MAGI2: variants seen among roughly 807,000 people sequenced by gnomAD.
The protein encoded by MAGI2 is membrane-associated guanylate kinase, WW and PDZ domain-containing protein 2.
Under a neutral mutation model 133.3 loss-of-function variants are expected in MAGI2, and 35 were observed. That is an observed-to-expected ratio of 0.26 (90% CI 0.20 to 0.35). MAGI2 has a LOEUF of 0.35. MAGI2 is among the 10% of genes least tolerant of loss of function. The pLI is 1.00. For missense variants in MAGI2, 1,636 were observed against 1,863.4 expected, an observed-to-expected ratio of 0.88 and a Z score of 2.25; for synonymous variants, 729 against 710.6, an observed-to-expected ratio of 1.03 and a Z score of -0.41.
At chr7:78,610,281 A>C (rs1701614837) in intron 3 of MAGI2, among the ~76,000 whole-genome samples, 1 of 152,194 alleles carries the variant, frequency 6.6e-6, no homozygotes, top group Admixed American at 6.5e-5. Context: ...GATAGGGAAC[A>C]CTGGCCTTGG....
intron 1 of MAGI2, among the ~76,000 whole-genome samples, chr7:79,040,399 A>G (rs1417609048): frequency 6.6e-6 from 1 of 152,136 alleles, no homozygotes; most frequent in Admixed American, 6.5e-5. Context: ...AAATGGACTA[A>G]TACATATGTG....
intron 21 of MAGI2, among the ~76,000 whole-genome samples, chr7:78,034,457 C>A (rs1809947844): frequency 6.6e-6 from 1 of 152,174 alleles, no homozygotes; most frequent in African/African-American, 2.4e-5. Flanking sequence ...GGTCCCTTCC[C>A]TTCTACTTTG....
chr7:78,444,379 A>T (rs1787922496), intron 6 of MAGI2, among the ~76,000 whole-genome samples: 1 of 152,052 alleles, frequency 6.6e-6, no homozygotes. Flanking sequence ...GGTCCCTCAC[A>T]ATTCATTAAT....
intron 6 of MAGI2, among the ~76,000 whole-genome samples, chr7:78,406,604 C>T (rs1200971473): frequency 1.3e-5 from 2 of 152,034 alleles, no homozygotes; most frequent in Admixed American, 1.3e-4. Flanking sequence ...TTAGCCACCT[C>T]ATAGATTGCT....
intron 2 of MAGI2, among the ~76,000 whole-genome samples, chr7:78,766,180 T>G (rs773885506): frequency 1.5e-4 from 23 of 152,100 alleles, no homozygotes; most frequent in Non-Finnish European, 3.1e-4. Context: ...GGGTTGTGCT[T>G]TTGTGGAAAG....
At chr7:79,318,704 TATA>T (rs1300374722) in intron 1 of MAGI2, among the ~76,000 whole-genome samples, 1 of 152,222 alleles carries the variant, frequency 6.6e-6, no homozygotes, top group Non-Finnish European at 1.5e-5. Flanking sequence ...ACTCCTTTAG[TATA>T]ATATTTGCTT....
At chr7:78,768,714 T>C (rs2151314915) in intron 2 of MAGI2, among the ~76,000 whole-genome samples, 1 of 152,350 alleles carries the variant, frequency 6.6e-6, no homozygotes, top group East Asian at 1.9e-4. Flanking sequence ...TCTGAAGTGT[T>C]TCCAAATTTC....
chr7:78,266,036 A>G (rs1793968372), intron 9 of MAGI2, among the ~76,000 whole-genome samples: 1 of 152,218 alleles, frequency 6.6e-6, no homozygotes, highest in South Asian at 2.1e-4. Context: ...AGAAAAAGGA[A>G]TAACAAGGAG....
intron 2 of MAGI2, among the ~76,000 whole-genome samples, chr7:78,723,608 G>C (rs1449162286): frequency 6.6e-6 from 1 of 152,140 alleles, no homozygotes; most frequent in East Asian, 1.9e-4. Context: ...GACTAAGTTA[G>C]GCACAAGAGC....
chr7:78,583,162 T>A (rs919455945), intron 3 of MAGI2, among the ~76,000 whole-genome samples: 1 of 152,134 alleles, frequency 6.6e-6, no homozygotes, highest in Middle Eastern at 3.4e-3. Context: ...ACAAAACACA[T>A]ATAAAAAAGA....
chr7:79,002,819 A>G (rs1253611521), intron 2 of MAGI2, among the ~76,000 whole-genome samples: 15 of 149,526 alleles, frequency 1.0e-4, no homozygotes, highest in Admixed American at 1.0e-3. Flanking sequence ...TATTTCTGTG[A>G]CCATCTCCTT....
Position 78,411,711 on chromosome 7 carries a change from A to T in MAGI2, c.1046-42498T>A, listed in dbSNP as rs187554916. 4.8e-4 allele frequency among the ~76,000 whole-genome samples: 73 copies of T among 152,138 alleles called. 1 individual carries two copies. Among genetic ancestry groups the T allele is most frequent in the Admixed American group, 2.6e-3 (39 of 15,240 alleles). ...GAGCTTTAGCTGAAATATAAATTAGAACATGGATAAGTTTAAGTATCTTTT... is the reference window on the plus strand; with the variant it reads ...GAGCTTTAGCTGAAATATAAATTAGTACATGGATAAGTTTAAGTATCTTTT... On this transcript the variant is annotated intron_variant, in intron 6 of 21. Transcript: ENST00000354212.
chr7:79,178,859 T>G (rs1222642861), intron 1 of MAGI2, among the ~76,000 whole-genome samples: 1 of 152,040 alleles, frequency 6.6e-6, no homozygotes, highest in Non-Finnish European at 1.5e-5. Context: ...TAGCAAAAGT[T>G]TGCCATAAGT....
chr7:79,234,046 G>A lies in MAGI2; in HGVS notation c.301+218974C>T, dbSNP rs1328798482. On this transcript the variant is annotated intron_variant, in intron 1 of 21. Transcript: ENST00000354212. ...CTGTAAAGTATTTTATTTCTCCTTCGCTTATGAAGCTTAGTTTGGCTGGAT... is the reference window on the plus strand; with the variant it reads ...CTGTAAAGTATTTTATTTCTCCTTCACTTATGAAGCTTAGTTTGGCTGGAT... Among the ~76,000 whole-genome samples, 15 of 140,772 alleles carry A rather than the reference G, an allele frequency of 1.1e-4. No individual in the cohort carries two copies. In the South Asian group the frequency reaches 2.4e-3, roughly 23 times the overall value. The allele number at this position is 140,772 out of a possible 152,430, so 92.4% of individuals were successfully genotyped here.
intron 1 of MAGI2, among the ~76,000 whole-genome samples, chr7:79,035,596 A>G (rs2116854406): frequency 6.6e-6 from 1 of 152,334 alleles, no homozygotes; most frequent in Non-Finnish European, 1.5e-5. Context: ...TCAACATCAT[A>G]AGGTGCACAG....
intron 1 of MAGI2, among the ~76,000 whole-genome samples, chr7:79,066,274 C>T (rs889752696): frequency 4.0e-5 from 6 of 149,874 alleles, no homozygotes; most frequent in African/African-American, 1.5e-4. Flanking sequence ...GAGATGATAT[C>T]TCAGTGTGGT....
rs539906164 is a variant in MAGI2 at position 78,535,895 on chromosome 7, C to G, written c.539-14250G>C. Among the ~76,000 whole-genome samples, 3 of 150,958 alleles carry G rather than the reference C, an allele frequency of 2.0e-5. No individual in the cohort carries two copies. The South Asian group carries it at 6.3e-4, about 32-fold the overall frequency. On this transcript the variant is annotated intron_variant, in intron 3 of 21. Coordinates refer to ENST00000354212, the MANE Select transcript of MAGI2 (RefSeq NM_012301.4). ...ACACCCCCCCCGCCCACCGCCTCCC[C>G]CCAACACTCAGGAACTGACTCAGCA...
chr7:78,628,156 T>A (rs1369631480), intron 2 of MAGI2, among the ~76,000 whole-genome samples: 3 of 152,202 alleles, frequency 2.0e-5, no homozygotes, highest in African/African-American at 4.8e-5. Context: ...AACAGAGACA[T>A]CTTCAAGGCT....
At chr7:78,954,036 G>A (rs889963685) in intron 2 of MAGI2, among the ~76,000 whole-genome samples, 2 of 151,998 alleles carry the variant, frequency 1.3e-5, no homozygotes, top group African/African-American at 2.4e-5. Flanking sequence ...GACATACTAC[G>A]CATTTTTCAC....
Sources: gnomAD v4.1 joint callset for allele counts (sites outside exome capture counted in the v4.1 genomes callset) on GRCh38, gnomAD v4.1.1 for gene constraint, MANE v1.5 for transcripts, NCBI Gene and HGNC (gene_info 2026-07-23, HGNC 2026-07-21) for gene names.